GAB3: variants seen among roughly 807,000 people sequenced by gnomAD.
GAB3 encodes GRB2-associated-binding protein 3.
In GAB3, 12 loss-of-function variants were observed where a neutral mutation model predicts 40.4. That is an observed-to-expected ratio of 0.30 (90% CI 0.19 to 0.48). GAB3 has a LOEUF of 0.48. Among genes scored for constraint, GAB3 ranks in the 20% least tolerant of loss-of-function variants. The pLI is 0.99. For synonymous variants in GAB3, 154 were observed against 176.7 expected, an observed-to-expected ratio of 0.87 and a Z score of 1.02; for missense variants, 381 against 461.9, an observed-to-expected ratio of 0.82 and a Z score of 1.61.
intron 4 of GAB3, among the ~76,000 whole-genome samples, chrX:154,700,873 C>T (rs1348536834): frequency 9.0e-6 from 1 of 110,916 alleles, no homozygotes; most frequent in African/African-American, 3.3e-5. Flanking sequence ...AGTCAGGAGG[C>T]CTCTAAGAAA....
At chrX:154,710,458 AAG>A (rs1557255571) in intron 4 of GAB3, among the ~76,000 whole-genome samples, 20 of 112,039 alleles carry the variant, frequency 1.8e-4, no homozygotes, top group African/African-American at 6.5e-4. Flanking sequence ...AGTAGGCTCC[AAG>A]GGATAGAAAG....
At position 154,702,704 on chromosome X, in the gene GAB3, A is replaced by C. The variant is rs137985316; in HGVS notation, c.1070-2645T>G. Among the ~76,000 whole-genome samples the C allele has an allele frequency of 1.3e-4, 15 of 112,578 alleles. No homozygotes were observed. In the East Asian group the frequency reaches 4.2e-3, roughly 31 times the overall value. On this transcript the variant is annotated intron_variant, in intron 4 of 9. Transcript: ENST00000424127. ...AATAAACAGAATATTTAAGAAGCTC[A>C]AACAACTCTATAGGAAAAAAGTCTA...
In GAB3 at chrX:154,699,506, C is replaced by G. The variant is rs782516492; in HGVS notation, c.1133G>C (p.Arg378Thr). The part of the protein sequence containing the change: ...DKRLSLNLPC[R>T]FSPMYPTASA... ...AGCTGTGGGGTACATCGGGGAGAAC[C>G]TGCATGGCTGCAAAAGAATAGATAC... The change falls in exon 6 of 10, where the codon AGG (arginine) becomes ACG (threonine). Residue 378 changes from arginine to threonine, a missense_variant. By Grantham distance (71) the Arg-to-Thr change is moderately conservative (BLOSUM62 -1). Coordinates refer to ENST00000424127, the MANE Select transcript of GAB3 (RefSeq NM_001081573.3). The G allele has an allele frequency of 4.1e-6, 5 of 1,205,200 alleles. No homozygotes were observed. The highest frequency in any genetic ancestry group is 5.6e-6 in the Non-Finnish European group (5 of 890,774).
At chrX:154,703,646 A>G (rs1687187815) in intron 4 of GAB3, among the ~76,000 whole-genome samples, 1 of 112,350 alleles carries the variant, frequency 8.9e-6, no homozygotes, top group South Asian at 3.7e-4. Flanking sequence ...CCCTGAACTT[A>G]AAACAAAAGT....
At chrX:154,747,474 T>C (rs1557262189) in intron 1 of GAB3, among the ~76,000 whole-genome samples, 1 of 112,324 alleles carries the variant, frequency 8.9e-6, no homozygotes, top group East Asian at 2.7e-4. Flanking sequence ...TAGATCTAAA[T>C]ATAAAATATC....
At chrX:154,715,259 C>T (rs2071027376) in intron 2 of GAB3, among the ~76,000 whole-genome samples, 1 of 111,768 alleles carries the variant, frequency 8.9e-6, no homozygotes, top group Admixed American at 9.4e-5. Flanking sequence ...CTAAAAGAAA[C>T]CAGATTCAAA....
intron 4 of GAB3, among the ~76,000 whole-genome samples, chrX:154,704,861 G>A (rs782135489): frequency 1.8e-5 from 2 of 111,491 alleles, no homozygotes; most frequent in Admixed American, 9.5e-5. Context: ...TCCTGGACAC[G>A]TAAAACCTAC....
intron 8 of GAB3, among the ~76,000 whole-genome samples, chrX:154,687,633 CAAAAAAAAAAAAAA>C (rs144999605): frequency 4.3e-5 from 1 of 23,408 alleles, no homozygotes; most frequent in Non-Finnish European, 7.9e-5. Flanking sequence ...GACTCTGTCT[CAAAAAAAAAAAAAA>C]AAAAAAAAAA....
At chrX:154,711,920 GTC>G (rs782155680) in intron 4 of GAB3, among the ~76,000 whole-genome samples, 6 of 111,897 alleles carry the variant, frequency 5.4e-5, no homozygotes, top group African/African-American at 1.9e-4. Flanking sequence ...GGACCTAAAT[GTC>G]TCTCCTGGTG....
At chrX:154,719,942 T>C (rs959035870) in intron 1 of GAB3, among the ~76,000 whole-genome samples, 3 of 112,073 alleles carry the variant, frequency 2.7e-5, no homozygotes, top group African/African-American at 9.8e-5. Context: ...ACTGGCCATA[T>C]ATGAAAGAAT....
chrX:154,691,428 T>C (rs968547024), intron 8 of GAB3, among the ~76,000 whole-genome samples: 29 of 107,690 alleles, frequency 2.7e-4, no homozygotes, highest in African/African-American at 9.1e-4. Context: ...TAATAATAAA[T>C]AAATAAAAAA....
intron 8 of GAB3, among the ~76,000 whole-genome samples, chrX:154,687,403 G>A (rs1236409035): frequency 2.7e-5 from 3 of 109,652 alleles, no homozygotes; most frequent in Admixed American, 9.6e-5. Flanking sequence ...AGGCTGAGGC[G>A]GGCGGATCAC....
chrX:154,694,487 T>C (rs1557250150), intron 8 of GAB3, among the ~76,000 whole-genome samples: 2 of 110,154 alleles, frequency 1.8e-5, no homozygotes, highest in Non-Finnish European at 3.8e-5. Context: ...CCCGGGTTCC[T>C]GCCATTCTCC....
chrX:154,686,582 T>C (rs1310110861), intron 8 of GAB3, among the ~76,000 whole-genome samples: 2 of 109,705 alleles, frequency 1.8e-5, no homozygotes, highest in African/African-American at 6.6e-5. Flanking sequence ...GCACAGCTAC[T>C]ATGCATGGTT....
At chrX:154,744,982 T>A (rs1008514465) in intron 1 of GAB3, among the ~76,000 whole-genome samples, 16 of 112,195 alleles carry the variant, frequency 1.4e-4, no homozygotes, top group African/African-American at 5.2e-4. Context: ...TTGAAATGAA[T>A]TAAAATGAAA....
chrX:154,748,806 A>G (rs2071566779), intron 1 of GAB3, among the ~76,000 whole-genome samples: 1 of 112,442 alleles, frequency 8.9e-6, no homozygotes, highest in Admixed American at 9.4e-5. Context: ...CACAGGGCCT[A>G]GTTCGGAGTT....
intron 8 of GAB3, among the ~76,000 whole-genome samples, chrX:154,692,570 A>C (rs1204657321): frequency 8.9e-6 from 1 of 111,790 alleles, no homozygotes; most frequent in African/African-American, 3.3e-5. Context: ...GGCGGATCAC[A>C]TGAGGTCAGG....
chrX:154,738,712 A>C (rs1166822252), intron 1 of GAB3, among the ~76,000 whole-genome samples: 1 of 111,951 alleles, frequency 8.9e-6, no homozygotes, highest in African/African-American at 3.3e-5. Context: ...TTTCTCTAAA[A>C]TATTCTCATA....
Position 154,735,321 on chromosome X carries a change from A to G in GAB3, c.72+15633T>C, listed in dbSNP as rs184626319. ...ATATTTTGGCAATCTCCGCACTCTC[A>G]TGTGCTGTGATTATTTGAGTGCCAT... On this transcript the variant is annotated intron_variant, in intron 1 of 9. Coordinates refer to ENST00000424127, the MANE Select transcript of GAB3 (RefSeq NM_001081573.3). Among the ~76,000 whole-genome samples the G allele has an allele frequency of 7.6e-3, 859 of 112,429 alleles. 8 individuals are homozygous for G. Among genetic ancestry groups the G allele is most frequent in the African/African-American group, 0.027 (822 of 30,932 alleles).
Sources: gnomAD v4.1 joint callset for allele counts (sites outside exome capture counted in the v4.1 genomes callset) on GRCh38, gnomAD v4.1.1 for gene constraint, MANE v1.5 for transcripts, NCBI Gene and HGNC (gene_info 2026-07-23, HGNC 2026-07-21) for gene names.